The following THEMIS variants were observed in gnomAD, a reference collection of about 807,000 sequenced individuals.
THEMIS encodes thymocyte selection associated.
Under a neutral mutation model 52.6 loss-of-function variants are expected in THEMIS, and 37 were observed. That is an observed-to-expected ratio of 0.70 (90% CI 0.54 to 0.93). The LOEUF (loss-of-function observed/expected upper bound fraction) is 0.93. THEMIS is among the 40% of genes least tolerant of loss of function. The pLI, the probability that THEMIS is intolerant of heterozygous loss-of-function variation, is 0.00. For synonymous variants in THEMIS, 292 were observed against 272.7 expected, an observed-to-expected ratio of 1.07 and a Z score of -0.70; for missense variants, 808 against 763.1, an observed-to-expected ratio of 1.06 and a Z score of -0.69.
intron 1 of THEMIS, among the ~76,000 whole-genome samples, chr6:127,914,410 T>C (rs576526248): frequency 6.6e-6 from 1 of 152,300 alleles, no homozygotes; most frequent in South Asian, 2.1e-4. Context: ...CACTTAACAA[T>C]GAGATATGTT....
At chr6:127,847,670 C>T (rs1398482347) in intron 2 of THEMIS, among the ~76,000 whole-genome samples, 3 of 151,880 alleles carry the variant, frequency 2.0e-5, no homozygotes, top group African/African-American at 7.2e-5. Context: ...GAAACACATC[C>T]CATGCTCACA....
At chr6:127,882,610 G>T (rs1326488326) in intron 1 of THEMIS, among the ~76,000 whole-genome samples, 2 of 151,614 alleles carry the variant, frequency 1.3e-5, no homozygotes, top group African/African-American at 4.8e-5. Context: ...AAATACTGGT[G>T]CTCTCTTTCC....
At chr6:127,847,889 AATTATTATT>A (rs71543127) in intron 2 of THEMIS, among the ~76,000 whole-genome samples, 61 of 146,526 alleles carry the variant, frequency 4.2e-4, no homozygotes, top group African/African-American at 1.3e-3. Flanking sequence ...CTCAATTTCA[AATTATTATT>A]ATTATTATTA....
chr6:127,859,124 T>C (rs925297385), intron 1 of THEMIS, among the ~76,000 whole-genome samples: 1 of 152,074 alleles, frequency 6.6e-6, no homozygotes, highest in Admixed American at 6.6e-5. Flanking sequence ...CTGCATTGGA[T>C]GTTTCTCCCC....
chr6:127,801,246 G>T (rs1334708860), intron 4 of THEMIS, among the ~76,000 whole-genome samples: 1 of 152,172 alleles, frequency 6.6e-6, no homozygotes. Context: ...GAAGCTCCTT[G>T]GTTGCTCCTA....
chr6:127,898,356 A>G (rs966683819), intron 1 of THEMIS, among the ~76,000 whole-genome samples: 1 of 151,850 alleles, frequency 6.6e-6, no homozygotes, highest in African/African-American at 2.4e-5. Flanking sequence ...TTCCAACTTA[A>G]TCTACCAAAT....
chr6:127,791,865 C>T (rs749366383), intron 4 of THEMIS, among the ~76,000 whole-genome samples: 5 of 152,212 alleles, frequency 3.3e-5, no homozygotes, highest in Admixed American at 6.5e-5. Context: ...AGCCCCCAGG[C>T]TTGGCCACAA....
At chr6:127,887,729 G>C (rs954459823) in intron 1 of THEMIS, among the ~76,000 whole-genome samples, 3 of 152,068 alleles carry the variant, frequency 2.0e-5, no homozygotes, top group African/African-American at 7.2e-5. Context: ...AAAGAACCCA[G>C]GCTAATTCTT....
chr6:127,768,894 G>A (rs557215336), intron 4 of THEMIS, among the ~76,000 whole-genome samples: 3 of 152,242 alleles, frequency 2.0e-5, no homozygotes, highest in African/African-American at 7.2e-5. Context: ...CTTAGTGCAC[G>A]TAATCAATCT....
intron 1 of THEMIS, among the ~76,000 whole-genome samples, chr6:127,893,038 T>G (rs1780858853): frequency 6.6e-6 from 1 of 152,260 alleles, no homozygotes; most frequent in South Asian, 2.1e-4. Flanking sequence ...AATATTCCCC[T>G]TGTGTAGAGT....
At chr6:127,727,469 A>G (rs1201310664) in intron 4 of THEMIS, among the ~76,000 whole-genome samples, 3 of 152,166 alleles carry the variant, frequency 2.0e-5, no homozygotes, top group Admixed American at 2.0e-4. Flanking sequence ...CAGATGACAG[A>G]TGGGAACTGT....
At chr6:127,883,944 C>T (rs1780566703) in intron 1 of THEMIS, among the ~76,000 whole-genome samples, 1 of 152,076 alleles carries the variant, frequency 6.6e-6, no homozygotes, top group South Asian at 2.1e-4. Context: ...TATGTGCTTA[C>T]ACACCCAAAT....
At chr6:127,818,409 G>A (rs530054466) in intron 3 of THEMIS, among the ~76,000 whole-genome samples, 1 of 152,150 alleles carries the variant, frequency 6.6e-6, no homozygotes, top group African/African-American at 2.4e-5. Flanking sequence ...AGTCTCTAGA[G>A]ACTAAAGTCA....
At chr6:127,910,923 G>A (rs960393267) in intron 1 of THEMIS, among the ~76,000 whole-genome samples, 2 of 152,094 alleles carry the variant, frequency 1.3e-5, no homozygotes, top group African/African-American at 2.4e-5. Flanking sequence ...GGGAGCTGTG[G>A]TAGTTTCTCA....
At chr6:127,832,914 G>A (rs866995227) in intron 2 of THEMIS, among the ~76,000 whole-genome samples, 1 of 149,084 alleles carries the variant, frequency 6.7e-6, no homozygotes, top group South Asian at 2.1e-4. Context: ...CTCCTGAGTA[G>A]CTGGGATTAC....
intron 4 of THEMIS, among the ~76,000 whole-genome samples, chr6:127,800,208 C>A (rs1292072355): frequency 6.6e-6 from 1 of 152,126 alleles, no homozygotes; most frequent in Non-Finnish European, 1.5e-5. Flanking sequence ...AGAATAGTGA[C>A]TGATTCATTG....
At chr6:127,699,218 C>CTCA in the THEMIS span, among the ~76,000 whole-genome samples, 8 of 151,708 alleles carry the variant, frequency 5.3e-5, no homozygotes, top group Admixed American at 2.0e-4. Flanking sequence ...TAATTTATTT[C>CTCA]TCATCACAGT....
At chr6:127,755,768 C>A (rs954542363) in intron 4 of THEMIS, among the ~76,000 whole-genome samples, 1 of 152,106 alleles carries the variant, frequency 6.6e-6, no homozygotes, top group South Asian at 2.1e-4. Flanking sequence ...CGCAGTGGCT[C>A]ACACTTGTGA....
At chr6:127,802,692 C>T (rs1777575584) in intron 4 of THEMIS, among the ~76,000 whole-genome samples, 1 of 152,100 alleles carries the variant, frequency 6.6e-6, no homozygotes. Context: ...CAGACTTGAG[C>T]CAGTTTACAG....
Sources: gnomAD v4.1 joint callset for allele counts (sites outside exome capture counted in the v4.1 genomes callset) on GRCh38, gnomAD v4.1.1 for gene constraint, MANE v1.5 for transcripts, NCBI Gene and HGNC (gene_info 2026-07-23, HGNC 2026-07-21) for gene names.